Variants in FKBP3 observed in about 807,000 individuals in gnomAD.
The protein encoded by FKBP3 is peptidyl-prolyl cis-trans isomerase FKBP3.
Under a neutral mutation model 30.6 loss-of-function variants are expected in FKBP3, and 21 were observed. The observed-to-expected ratio is 0.69, with a 90% CI of 0.49 to 0.99. The LOEUF is 0.99. Ranked by LOEUF, FKBP3 falls within the 50% of genes least tolerant of loss-of-function variation. FKBP3 has a pLI of 0.00. For missense variants in FKBP3, 283 were observed against 261.6 expected (o/e 1.08, Z -0.56); for synonymous variants, 82 against 91.3 (o/e 0.90, Z 0.58).
chr14:45,122,774 A>T (rs976896882), intron 3 of FKBP3, among the ~76,000 whole-genome samples: 1 of 151,826 alleles, frequency 6.6e-6, no homozygotes, highest in Non-Finnish European at 1.5e-5. Flanking sequence ...AAGTGTTGGG[A>T]TTACAAGTGT....
At chr14:45,119,887 A>C (rs898162825) in intron 5 of FKBP3, among the ~76,000 whole-genome samples, 9 of 151,886 alleles carry the variant, frequency 5.9e-5, no homozygotes, top group African/African-American at 1.7e-4. Context: ...CGGGTTTCAC[A>C]GTGTTAGCCA....
chr14:45,128,598 A>C (rs976364150), intron 3 of FKBP3, among the ~76,000 whole-genome samples: 9 of 152,230 alleles, frequency 5.9e-5, no homozygotes, highest in Admixed American at 3.3e-4. Context: ...GAGAGTAGAC[A>C]ACGAGGGTTA....
intron 4 of FKBP3, 64 bp from the exon 5 acceptor site, chr14:45,121,018 T>C: frequency 7.8e-7 from 1 of 1,278,566 alleles, no homozygotes; most frequent in Non-Finnish European, 1.1e-6. Flanking sequence ...AAATTTCCAT[T>C]GGAAATTATT....
At chr14:45,128,566 C>G (rs951479465) in intron 3 of FKBP3, among the ~76,000 whole-genome samples, 2 of 152,070 alleles carry the variant, frequency 1.3e-5, no homozygotes, top group African/African-American at 4.8e-5. Flanking sequence ...TGCCTGCTCT[C>G]CAGTCCCAAA....
At chr14:45,117,416 C>T (rs752326608) in intron 6 of FKBP3, among the ~76,000 whole-genome samples, 8 of 152,176 alleles carry the variant, frequency 5.3e-5, no homozygotes, top group Non-Finnish European at 1.2e-4. Context: ...CAACAAAAGC[C>T]ATAAACTTAC....
intron 3 of FKBP3, among the ~76,000 whole-genome samples, chr14:45,126,881 T>C (rs953378324): frequency 6.6e-6 from 1 of 151,988 alleles, no homozygotes; most frequent in Admixed American, 6.6e-5. Context: ...AGTGGCGCAA[T>C]CTTGGCTCCC....
intron 3 of FKBP3, among the ~76,000 whole-genome samples, chr14:45,123,994 G>A (rs998947733): frequency 9.2e-5 from 14 of 151,908 alleles, no homozygotes; most frequent in African/African-American, 3.4e-4. Flanking sequence ...ACTGTCAGTA[G>A]GCTGAATAAA....
intron 6 of FKBP3, among the ~76,000 whole-genome samples, chr14:45,116,510 A>T (rs1359425237): frequency 6.6e-6 from 1 of 151,700 alleles, no homozygotes; most frequent in Admixed American, 6.6e-5. Context: ...ATAGAGAGAG[A>T]GTATTAAAGT....
chr14:45,128,372 G>A (rs887754711), intron 3 of FKBP3, among the ~76,000 whole-genome samples: 1 of 152,034 alleles, frequency 6.6e-6, no homozygotes, highest in African/African-American at 2.4e-5. Flanking sequence ...AGTAAGAAGG[G>A]ACTGAGAATT....
chr14:45,131,397 T>C, intron 1 of FKBP3: 1 of 152,190 alleles, frequency 6.6e-6, no homozygotes, highest in Non-Finnish European at 1.5e-5. Flanking sequence ...TTTGGGAGGC[T>C]GAGGCAGGCG....
rs548985768 is a variant in FKBP3, at chr14:45,128,102, C to G, written c.318+1692G>C. Reference sequence around the variant, plus strand: ...CTGTAATCCCAACACTTTGGAAGGCCTAGGTGGGCGGATAACTTGAGGTCA... The same window carrying G: ...CTGTAATCCCAACACTTTGGAAGGCGTAGGTGGGCGGATAACTTGAGGTCA... On this transcript the variant is annotated intron_variant, in intron 3 of 6. Transcript: ENST00000396062. Among the ~76,000 whole-genome samples, 5 of 152,266 alleles carry G rather than the reference C, an allele frequency of 3.3e-5. No homozygotes were observed. In the East Asian group the frequency reaches 9.7e-4, roughly 29 times the overall value.
intron 1 of FKBP3, among the ~76,000 whole-genome samples, chr14:45,133,833 T>C (rs1566710441): frequency 6.6e-6 from 1 of 152,354 alleles, no homozygotes; most frequent in South Asian, 2.1e-4. Flanking sequence ...AAAGGGTCGA[T>C]ATGTTAAATC....
chr14:45,119,841 C>G (rs1195696237), intron 5 of FKBP3, among the ~76,000 whole-genome samples: 1 of 151,868 alleles, frequency 6.6e-6, no homozygotes, highest in East Asian at 2.0e-4. Flanking sequence ...GCAAGTGCCA[C>G]CATGCCCAGA....
At chr14:45,134,214 T>C (rs1885311468) in intron 1 of FKBP3, 135 bp downstream of exon 1, 1 of 728,152 alleles carries the variant, frequency 1.4e-6, no homozygotes, top group South Asian at 1.8e-5. Flanking sequence ...AAGCTGGGCC[T>C]CTCCGGCCTT....
At chr14:45,122,241 G>A (rs190543744) in intron 3 of FKBP3, among the ~76,000 whole-genome samples, 22 of 151,990 alleles carry the variant, frequency 1.4e-4, no homozygotes, top group African/African-American at 4.8e-4. Context: ...TGAGAGGAAA[G>A]CAGACAGAGG....
chr14:45,118,926 G>T (rs1299913847), intron 5 of FKBP3, among the ~76,000 whole-genome samples: 1 of 151,958 alleles, frequency 6.6e-6, no homozygotes, highest in African/African-American at 2.4e-5. Flanking sequence ...GCGTGATCTT[G>T]GCTCACTGCA....
chr14:45,130,872 C>A (rs1313308546), intron 1 of FKBP3, 72 bp from the exon 2 acceptor site: 4 of 810,740 alleles, frequency 4.9e-6, no homozygotes, highest in African/African-American at 3.5e-5. Flanking sequence ...AGAAAACGAT[C>A]CTTTTATGTT....
At chr14:45,128,158 G>A (rs1885140122) in intron 3 of FKBP3, among the ~76,000 whole-genome samples, 1 of 152,172 alleles carries the variant, frequency 6.6e-6, no homozygotes, top group Non-Finnish European at 1.5e-5. Flanking sequence ...CCAACATGGA[G>A]AAACTGCGTC....
intron 1 of FKBP3, chr14:45,131,028 C>CCTG: frequency 5.8e-6 from 2 of 344,898 alleles, no homozygotes; most frequent in South Asian, 5.6e-5. Flanking sequence ...GTGTTATGTA[C>CCTG]TGAACACAGT....
Sources: gnomAD v4.1 joint callset for allele counts (sites outside exome capture counted in the v4.1 genomes callset) on GRCh38, gnomAD v4.1.1 for gene constraint, MANE v1.5 for transcripts, NCBI Gene and HGNC (gene_info 2026-07-23, HGNC 2026-07-21) for gene names.